Variants in FMO4 observed in about 807,000 individuals in gnomAD.
FMO4 encodes the protein flavin containing dimethylaniline monoxygenase 4.
A neutral mutation model predicts 43.3 loss-of-function variants in FMO4; 38 were observed. The observed-to-expected ratio is 0.88, with a 90% CI of 0.68 to 1.15. FMO4 has a LOEUF of 1.15. Among genes scored for constraint, FMO4 ranks in the 50% most tolerant of loss-of-function variants. The probability of loss-of-function intolerance (pLI) is 0.00; values close to 1 mark genes in which losing one functional copy is unlikely to be tolerated. For synonymous variants in FMO4, 224 were observed against 232.2 expected, an observed-to-expected ratio of 0.96 and a Z score of 0.32; for missense variants, 631 against 663.3, an observed-to-expected ratio of 0.95 and a Z score of 0.54.
Position 171,325,102 on chromosome 1 carries a change from C to G in FMO4, c.484+802C>G, listed in dbSNP as rs190466941. On this transcript the variant is annotated intron_variant, in intron 5 of 9. Transcript: ENST00000367749. ...TCAGCCGGGGCCACAGAGTGAGACT[C>G]TGTCTCAAAAATAAATGAACAAATA... 6.0e-4 allele frequency among the ~76,000 whole-genome samples: 92 copies of G among 152,270 alleles called. 2 individuals are homozygous for G. The East Asian group carries it at 0.016, about 26-fold the overall frequency.
intron 3 of FMO4, among the ~76,000 whole-genome samples, chr1:171,322,371 A>T (rs1036753341): frequency 6.6e-6 from 1 of 152,198 alleles, no homozygotes; most frequent in African/African-American, 2.4e-5. Context: ...AAGATAAACA[A>T]GACAGATAAT....
chr1:171,339,757 T>C (rs1294125667), intron 9 of FMO4, among the ~76,000 whole-genome samples: 3 of 152,038 alleles, frequency 2.0e-5, no homozygotes, highest in Admixed American at 6.6e-5. Flanking sequence ...GGAGGAACAG[T>C]TGATGAAGCT....
In FMO4 at chr1:171,334,533, T is replaced by C. The variant is rs1264214531; in HGVS notation, c.950T>C (p.Val317Ala). 29 of 1,613,634 alleles carry C rather than the reference T, an allele frequency of 1.8e-5. No homozygotes were observed. Among genetic ancestry groups the C allele is most frequent in the Non-Finnish European group, 2.5e-5 (29 of 1,179,646 alleles). Residue 317 changes from valine to alanine, a missense_variant, in exon 8 of 10, where the codon GTG becomes GCG. Physicochemically the swap from Val to Ala is moderately conservative, Grantham distance 64 (BLOSUM62 0). Coordinates refer to ENST00000367749, the MANE Select transcript of FMO4 (RefSeq NM_002022.3). ...TCTGCTGTCTTTGAAGATGGGACAGTGGAAGAAAACATTGATGTTGTGATC... is the reference window on the plus strand; with the variant it reads ...TCTGCTGTCTTTGAAGATGGGACAGCGGAAGAAAACATTGATGTTGTGATC... ...ETSAVFEDGT[V>A]EENIDVVIFT...
At chr1:171,319,713 G>T in intron 2 of FMO4, 105 bp from the exon 3 acceptor site, 1 of 893,544 alleles carries the variant, frequency 1.1e-6, no homozygotes, top group East Asian at 2.5e-5. Flanking sequence ...CCCACTCAAA[G>T]ATGAAAAAAA....
At position 171,341,578 on chromosome 1, in the gene FMO4, C is replaced by A; in HGVS notation, c.1416C>A (p.Arg472=). 6.2e-7 allele frequency: 1 copy of A among 1,614,054 alleles called. No individual in the cohort carries two copies. ...FFGPCTPYQY[R]LMGPGKWDGA... is the part of the protein sequence containing the mutation. ...GACCATGTACTCCTTATCAGTACCG[C>A]CTCATGGGCCCTGGAAAATGGGATG... The change falls in exon 10 of 10, where the codon CGC becomes CGA. Residue 472 remains arginine, a synonymous_variant. Transcript: ENST00000367749.
At chr1:171,316,923 G>A (rs187255406) in intron 2 of FMO4, among the ~76,000 whole-genome samples, 204 of 152,234 alleles carry the variant, frequency 1.3e-3, no homozygotes, top group African/African-American at 4.5e-3. Context: ...AATTCTCTTA[G>A]ATTTTGTGCC....
At chr1:171,316,413 G>C (rs151262499) in intron 2 of FMO4, 86 bp downstream of exon 2, 1 of 152,208 alleles carries the variant, frequency 6.6e-6, no homozygotes, top group Admixed American at 6.5e-5. Context: ...AGGAAGACAG[G>C]AGACAAGTAG....
rs536741358 is a variant in FMO4 at position 171,318,316 on chromosome 1, AAAT to A, written c.-8-1476_-8-1474del. On this transcript the variant is annotated intron_variant, in intron 2 of 9. Coordinates refer to ENST00000367749, the MANE Select transcript of FMO4 (RefSeq NM_002022.3). ...TGGGTGACAGAGCAAGACTGTCTCA[AAAT>A]AATAATAATAATAATAATAATAATA... Among the ~76,000 whole-genome samples the A allele has an allele frequency of 6.3e-3, 937 of 148,958 alleles. 3 individuals carry two copies. Among genetic ancestry groups the A allele is most frequent in the Non-Finnish European group, 9.2e-3 (623 of 67,486 alleles).
At chr1:171,321,296 A>G (rs1558035132) in intron 3 of FMO4, among the ~76,000 whole-genome samples, 1 of 152,198 alleles carries the variant, frequency 6.6e-6, no homozygotes, top group South Asian at 2.1e-4. Context: ...TAACATTTCA[A>G]TGTAATTTCT....
Position 171,321,428 on chromosome 1 carries a change from T to G in FMO4, c.132+1471T>G, listed in dbSNP as rs562010954. Among the ~76,000 whole-genome samples the G allele has an allele frequency of 5.9e-5, 9 of 152,250 alleles. No individual in the cohort carries two copies. In the South Asian group the frequency reaches 1.9e-3, roughly 32 times the overall value. The stretch of plus-strand genomic sequence containing the variant: ...TCCTAATAGAAAATGGCATAATATT[T>G]GCATGTAGCCTACACACATCCTCCT... On this transcript the variant is annotated intron_variant, in intron 3 of 9. Transcript: ENST00000367749.
intron 5 of FMO4, among the ~76,000 whole-genome samples, chr1:171,324,818 C>G (rs1662589114): frequency 6.6e-6 from 1 of 152,066 alleles, no homozygotes. Context: ...AAACAGTCAA[C>G]ATAATAATCA....
intron 8 of FMO4, among the ~76,000 whole-genome samples, chr1:171,337,143 C>T (rs1347881032): frequency 6.6e-6 from 1 of 152,122 alleles, no homozygotes; most frequent in South Asian, 2.1e-4. Flanking sequence ...CATCTCTCCT[C>T]ACAATTCTGG....
At chr1:171,336,640 A>G (rs1316334168) in intron 8 of FMO4, among the ~76,000 whole-genome samples, 1 of 151,972 alleles carries the variant, frequency 6.6e-6, no homozygotes, top group African/African-American at 2.4e-5. Context: ...TCCTCACTCC[A>G]TTGCCCAGGC....
rs186811679 is a variant in FMO4, at chr1:171,329,769, A to T, written c.485-1871A>T. Among the ~76,000 whole-genome samples, 757 of 152,344 alleles carry T rather than the reference A, an allele frequency of 5.0e-3. 7 individuals carry two copies. The highest frequency in any genetic ancestry group is 6.1e-3 in the Non-Finnish European group (417 of 68,040). On this transcript the variant is annotated intron_variant, in intron 5 of 9. Transcript: ENST00000367749. The stretch of plus-strand genomic sequence containing the variant: ...TCAACCATTTTAGACTGTCAAAGTG[A>T]GTGTGAGGCTAAGTCAGAATCACAA...
intron 2 of FMO4, among the ~76,000 whole-genome samples, chr1:171,317,715 T>G (rs937188003): frequency 1.3e-5 from 2 of 152,194 alleles, no homozygotes; most frequent in Non-Finnish European, 2.9e-5. Flanking sequence ...ATATCCCTTA[T>G]GACGTTCCTT....
chr1:171,321,937 G>C (rs1571392206), intron 3 of FMO4, among the ~76,000 whole-genome samples: 1 of 152,222 alleles, frequency 6.6e-6, no homozygotes, highest in African/African-American at 2.4e-5. Flanking sequence ...CTTAGAGAAA[G>C]TGACAGCTAA....
intron 2 of FMO4, among the ~76,000 whole-genome samples, chr1:171,318,053 C>T (rs1662265179): frequency 1.3e-5 from 2 of 152,244 alleles, no homozygotes; most frequent in African/African-American, 2.4e-5. Context: ...CGGTGGCTTA[C>T]GTCTGTAATC....
At chr1:171,320,128 A>G (rs1001605807) in intron 3 of FMO4, among the ~76,000 whole-genome samples, 171 bp downstream of exon 3, 2 of 152,238 alleles carry the variant, frequency 1.3e-5, no homozygotes, top group Non-Finnish European at 2.9e-5. Flanking sequence ...CTGATTGGTG[A>G]GGAATCTTGA....
In FMO4 at chr1:171,320,834, A is replaced by C. The variant is rs561849641; in HGVS notation, c.132+877A>C. On this transcript the variant is annotated intron_variant, in intron 3 of 9. Transcript: ENST00000367749. ...CTACAAAAAATAAAATGAAAAACAA[A>C]CAAAAAAAATAAGATGGAAGCTAGG... 1.7e-3 allele frequency among the ~76,000 whole-genome samples: 251 copies of C among 149,720 alleles called. 2 individuals carry two copies. The highest frequency in any genetic ancestry group is 5.9e-3 in the African/African-American group (232 of 39,096).
Sources: gnomAD v4.1 joint callset for allele counts (sites outside exome capture counted in the v4.1 genomes callset) on GRCh38, gnomAD v4.1.1 for gene constraint, MANE v1.5 for transcripts, NCBI Gene and HGNC (gene_info 2026-07-23, HGNC 2026-07-21) for gene names.